The following ROBO1 variants were observed in gnomAD, a reference collection of about 807,000 sequenced individuals.
ROBO1 encodes the protein roundabout homolog 1.
A neutral mutation model predicts 195.9 loss-of-function variants in ROBO1; 149 were observed. The ratio of observed to expected loss-of-function variants is 0.76; its 90% CI spans 0.67 to 0.87. ROBO1 has a LOEUF of 0.87. Among genes scored for constraint, ROBO1 ranks in the 40% least tolerant of loss-of-function variants. ROBO1 has a pLI of 0.00. For synonymous variants in ROBO1, 816 were observed against 733.2 expected (o/e 1.11, Z -1.82); for missense variants, 1,933 against 2,068.3 (o/e 0.93, Z 1.27).
intron 4 of ROBO1, among the ~76,000 whole-genome samples, chr3:78,752,258 T>C (rs751686854): frequency 5.9e-5 from 9 of 152,304 alleles, no homozygotes; most frequent in Middle Eastern, 3.4e-3. Context: ...ATAAGTGTAA[T>C]TTAATATCAA....
At chr3:79,734,371 A>G (rs1703290432) in intron 1 of ROBO1, among the ~76,000 whole-genome samples, 1 of 152,226 alleles carries the variant, frequency 6.6e-6, no homozygotes, top group African/African-American at 2.4e-5. Flanking sequence ...CCTGCTCTGT[A>G]CCACCAACCA....
chr3:79,230,957 C>T (rs2082308235), intron 2 of ROBO1, among the ~76,000 whole-genome samples: 1 of 152,028 alleles, frequency 6.6e-6, no homozygotes, highest in East Asian at 1.9e-4. Flanking sequence ...CTGACAAAAA[C>T]AAGCAATGGG....
rs115240430 is a variant in ROBO1, at chr3:79,626,471, A to G, written c.-50-36510T>C. ...AAAAACAAAAACAAAAAAACCTCTC[A>G]ATAAACTAGGTATTGATGGACCATA... is the stretch of plus-strand genomic sequence containing the variant. On this transcript the variant is annotated intron_variant, in intron 1 of 30. Transcript: ENST00000464233. 3.1e-3 allele frequency among the ~76,000 whole-genome samples: 471 copies of G among 152,226 alleles called. 2 individuals carry two copies. The highest frequency in any genetic ancestry group is 0.011 in the African/African-American group (459 of 41,554).
At chr3:79,531,271 T>C (rs1941649932) in intron 2 of ROBO1, among the ~76,000 whole-genome samples, 2 of 152,188 alleles carry the variant, frequency 1.3e-5, no homozygotes, top group South Asian at 4.1e-4. Flanking sequence ...TACTAATTTA[T>C]ATTAATAAAT....
intron 4 of ROBO1, among the ~76,000 whole-genome samples, chr3:78,931,236 CTTTTTTT>C (rs71127369): frequency 1.5e-4 from 12 of 79,210 alleles, no homozygotes; most frequent in Admixed American, 3.5e-4. Context: ...TTCTTTCTTT[CTTTTTTT>C]TTTTTTTTTT....
chr3:79,050,791 AC>A (rs1287820350), intron 3 of ROBO1, among the ~76,000 whole-genome samples: 1 of 152,160 alleles, frequency 6.6e-6, no homozygotes, highest in Non-Finnish European at 1.5e-5. Flanking sequence ...AAATAGAACA[AC>A]CTGCTCCTCA....
At chr3:79,348,068 G>A (rs931589863) in intron 2 of ROBO1, among the ~76,000 whole-genome samples, 6 of 151,858 alleles carry the variant, frequency 4.0e-5, no homozygotes, top group Non-Finnish European at 5.9e-5. Context: ...AAAATTAGCC[G>A]GGTGTGGTGG....
intron 1 of ROBO1, among the ~76,000 whole-genome samples, chr3:79,622,528 G>C (rs906143875): frequency 2.0e-5 from 3 of 152,206 alleles, no homozygotes; most frequent in Non-Finnish European, 4.4e-5. Context: ...TTTTTCCCAA[G>C]ACTTGTCCCC....
At chr3:79,378,909 C>A (rs1353130112) in intron 2 of ROBO1, among the ~76,000 whole-genome samples, 1 of 152,192 alleles carries the variant, frequency 6.6e-6, no homozygotes, top group Non-Finnish European at 1.5e-5. Flanking sequence ...ACAAGCAAAT[C>A]GCCCTGGAGC....
In ROBO1 at chr3:78,732,181, C is replaced by G. The variant is rs2082300778; in HGVS notation, c.658-14298G>C. ...AGAGGGCTTTCTTTGAGATAGAGAA[C>G]AACAGCTTATATTTTCTTTGCTTCT... On this transcript the variant is annotated intron_variant, in intron 5 of 30. Coordinates refer to ENST00000464233, the MANE Select transcript of ROBO1 (RefSeq NM_002941.4). Among the ~76,000 whole-genome samples, 3 of 152,128 alleles carry G rather than the reference C, an allele frequency of 2.0e-5. No homozygotes were observed. In the South Asian group the frequency reaches 6.2e-4, roughly 32 times the overall value.
intron 28 of ROBO1, among the ~76,000 whole-genome samples, chr3:78,613,419 G>A (rs1169507940): frequency 6.6e-6 from 1 of 152,182 alleles, no homozygotes; most frequent in Non-Finnish European, 1.5e-5. Flanking sequence ...TATACCTAGT[G>A]TTTGTCCCTT....
At chr3:79,422,732 G>T (rs2038279175) in intron 2 of ROBO1, among the ~76,000 whole-genome samples, 2 of 152,096 alleles carry the variant, frequency 1.3e-5, no homozygotes, top group Non-Finnish European at 2.9e-5. Flanking sequence ...TCATACCTAA[G>T]TTCTCAAACT....
At chr3:78,957,789 C>T (rs554763390) in intron 3 of ROBO1, among the ~76,000 whole-genome samples, 1 of 152,318 alleles carries the variant, frequency 6.6e-6, no homozygotes, top group East Asian at 1.9e-4. Context: ...CCATTACATG[C>T]TAATTCCTAG....
At chr3:79,536,077 T>A (rs974863634) in intron 2 of ROBO1, among the ~76,000 whole-genome samples, 1 of 152,118 alleles carries the variant, frequency 6.6e-6, no homozygotes, top group African/African-American at 2.4e-5. Context: ...CTACATAATA[T>A]CTCTAAATAA....
At chr3:79,048,338 G>A (rs1171099980) in intron 3 of ROBO1, among the ~76,000 whole-genome samples, 1 of 151,966 alleles carries the variant, frequency 6.6e-6, no homozygotes, top group African/African-American at 2.4e-5. Flanking sequence ...GGCTAGTTTT[G>A]TTCATTCTCA....
At chr3:79,225,772 C>T (rs1376090157) in intron 2 of ROBO1, among the ~76,000 whole-genome samples, 2 of 152,176 alleles carry the variant, frequency 1.3e-5, no homozygotes, top group Non-Finnish European at 2.9e-5. Context: ...TGCTCTCCTC[C>T]TCTTATTTGC....
intron 2 of ROBO1, among the ~76,000 whole-genome samples, chr3:79,474,099 T>C (rs1938425452): frequency 1.3e-5 from 2 of 152,148 alleles, no homozygotes; most frequent in South Asian, 2.1e-4. Flanking sequence ...GCTTCTCTAG[T>C]TGCAGAAGCG....
chr3:79,461,471 T>C (rs1390020907), intron 2 of ROBO1, among the ~76,000 whole-genome samples: 1 of 152,162 alleles, frequency 6.6e-6, no homozygotes, highest in African/African-American at 2.4e-5. Flanking sequence ...CACACCCTTC[T>C]AGAGGTCTCC....
chr3:78,707,242 AG>A (rs1378927460), intron 8 of ROBO1, among the ~76,000 whole-genome samples: 1 of 152,190 alleles, frequency 6.6e-6, no homozygotes, highest in Non-Finnish European at 1.5e-5. Flanking sequence ...GCATCCCATT[AG>A]TAGCAATTAA....
Sources: allele counts gnomAD v4.1 joint callset (sites outside exome capture counted in the v4.1 genomes callset), GRCh38; gene constraint gnomAD v4.1.1; transcripts MANE v1.5; gene names NCBI Gene and HGNC (gene_info 2026-07-23, HGNC 2026-07-21).